NECAB1: variants seen among roughly 807,000 people sequenced by gnomAD.
The protein encoded by NECAB1 is N-terminal EF-hand calcium binding protein 1.
In NECAB1, 29 loss-of-function variants were observed where a neutral mutation model predicts 57.5. The ratio of observed to expected loss-of-function variants is 0.50; its 90% CI spans 0.38 to 0.69. NECAB1 has a LOEUF of 0.69. Among genes scored for constraint, NECAB1 ranks in the 30% least tolerant of loss-of-function variants. The probability of loss-of-function intolerance (pLI) is 0.00; values close to 1 mark genes in which losing one functional copy is unlikely to be tolerated. For missense variants in NECAB1, 372 were observed against 413.8 expected, an observed-to-expected ratio of 0.90 and a Z score of 0.88; for synonymous variants, 142 against 147.7, an observed-to-expected ratio of 0.96 and a Z score of 0.28.
intron 10 of NECAB1, among the ~76,000 whole-genome samples, chr8:90,949,222 G>A (rs990764915): frequency 6.6e-6 from 1 of 151,598 alleles, no homozygotes; most frequent in African/African-American, 2.4e-5. Flanking sequence ...GTTTGAAAGA[G>A]AGGGAGAAAG....
intron 3 of NECAB1, chr8:90,859,135 T>A (rs552928195): frequency 6.6e-6 from 1 of 152,070 alleles, no homozygotes; most frequent in African/African-American, 2.4e-5. Flanking sequence ...CCAGCAGCAG[T>A]GAGGGAAGAG....
At chr8:90,856,756 C>CTA (rs1439050932) in intron 3 of NECAB1, among the ~76,000 whole-genome samples, 1 of 152,194 alleles carries the variant, frequency 6.6e-6, no homozygotes, top group African/African-American at 2.4e-5. Flanking sequence ...TACCTCTAGC[C>CTA]TATACTTTGA....
At chr8:90,876,916 C>T (rs1808738489) in intron 4 of NECAB1, among the ~76,000 whole-genome samples, 1 of 152,150 alleles carries the variant, frequency 6.6e-6, no homozygotes, top group Non-Finnish European at 1.5e-5. Context: ...ATACAGGTTT[C>T]AACAAAATAG....
chr8:90,853,343 C>T (rs1382577044), intron 3 of NECAB1, among the ~76,000 whole-genome samples: 1 of 152,220 alleles, frequency 6.6e-6, no homozygotes, highest in Non-Finnish European at 1.5e-5. Flanking sequence ...GGCAACACTG[C>T]AGTGAGTCCC....
intron 2 of NECAB1, among the ~76,000 whole-genome samples, chr8:90,820,942 C>G (rs1812134265): frequency 6.6e-6 from 1 of 151,826 alleles, no homozygotes; most frequent in Non-Finnish European, 1.5e-5. Context: ...TATAGCCTTT[C>G]TCTTAATCCT....
At chr8:90,870,758 CAG>C (rs1808609260) in intron 3 of NECAB1, among the ~76,000 whole-genome samples, 1 of 152,262 alleles carries the variant, frequency 6.6e-6, no homozygotes, top group Non-Finnish European at 1.5e-5. Flanking sequence ...AGTAATCTGA[CAG>C]AGTCATGTTT....
rs560596027 is a variant in NECAB1 at position 90,793,318 on chromosome 8, T to A, written c.99+1333T>A. 4.7e-4 allele frequency among the ~76,000 whole-genome samples: 71 copies of A among 152,220 alleles called. 2 individuals are homozygous for A. Among genetic ancestry groups the A allele is most frequent in the Non-Finnish European group, 6.0e-4 (41 of 68,040 alleles). ...AGAAGTGAGGTTCAACTGTGTGTACTGGCAGCCTTCACCCTTTATCACCTG... is the reference window on the plus strand; with the variant it reads ...AGAAGTGAGGTTCAACTGTGTGTACAGGCAGCCTTCACCCTTTATCACCTG... On this transcript the variant is annotated intron_variant, in intron 1 of 12. Coordinates refer to ENST00000417640, the MANE Select transcript of NECAB1 (RefSeq NM_022351.5).
rs144262235 is a variant in NECAB1 at position 90,880,110 on chromosome 8, C to T, written c.260-923C>T. Among the ~76,000 whole-genome samples the T allele has an allele frequency of 5.0e-4, 76 of 152,186 alleles. No individual in the cohort carries two copies. In the East Asian group the frequency reaches 8.7e-3, roughly 17 times the overall value. The stretch of plus-strand genomic sequence containing the variant: ...AGAGTATTAAATAAATTAATCAAGG[C>T]GGTTTCCATCAAACATGCTGAAATG... On this transcript the variant is annotated intron_variant, in intron 4 of 12. Transcript: ENST00000417640.
intron 3 of NECAB1, among the ~76,000 whole-genome samples, chr8:90,851,338 C>T (rs1240369305): frequency 6.6e-6 from 1 of 152,114 alleles, no homozygotes; most frequent in African/African-American, 2.4e-5. Context: ...CGGGATCCTC[C>T]GGACAGGACA....
rs571861885 is a variant in NECAB1 at position 90,913,904 on chromosome 8, C to T, written c.358-3588C>T. Among the ~76,000 whole-genome samples, 79 of 152,300 alleles carry T rather than the reference C, an allele frequency of 5.2e-4. 1 individual carries two copies. The South Asian group carries it at 6.6e-3, about 13-fold the overall frequency. On this transcript the variant is annotated intron_variant, in intron 5 of 12. Transcript: ENST00000417640. The stretch of plus-strand genomic sequence containing the variant: ...GTCCAGAAAATAAAATGAGGACAAA[C>T]AGTCTGTTAGAACAAAGCTGTATTT...
At chr8:90,795,708 T>TCACACACA (rs59863984) in intron 1 of NECAB1, among the ~76,000 whole-genome samples, 30 of 147,878 alleles carry the variant, frequency 2.0e-4, no homozygotes, top group African/African-American at 5.9e-4. Context: ...CTCATCTCTC[T>TCACACACA]CACACACACA....
intron 3 of NECAB1, among the ~76,000 whole-genome samples, chr8:90,839,891 A>G (rs1490923827): frequency 1.3e-5 from 2 of 152,188 alleles, no homozygotes; most frequent in Non-Finnish European, 2.9e-5. Context: ...TTATGTTTTC[A>G]AAAGATAGAT....
At position 90,926,231 on chromosome 8, in the gene NECAB1, A is replaced by G. The variant is rs146538059; in HGVS notation, c.616+575A>G. Among the ~76,000 whole-genome samples the G allele has an allele frequency of 1.1e-3, 173 of 152,358 alleles. 1 individual carries two copies. Among genetic ancestry groups the G allele is most frequent in the Admixed American group, 5.1e-3 (78 of 15,302 alleles). The stretch of plus-strand genomic sequence containing the variant: ...GTTGCTAAATATTGGAGTAATTTTT[A>G]TAAAGCATGCATATATACATGCACA... On this transcript the variant is annotated intron_variant, in intron 7 of 12. Transcript: ENST00000417640.
chr8:90,859,555 G>T (rs754033023), intron 3 of NECAB1, among the ~76,000 whole-genome samples: 3 of 152,168 alleles, frequency 2.0e-5, no homozygotes, highest in Non-Finnish European at 4.4e-5. Flanking sequence ...TGAGGGGTCT[G>T]CTGTCTCACC....
chr8:90,864,332 C>CAAGG (rs149292284), intron 3 of NECAB1, among the ~76,000 whole-genome samples: 57,302 of 119,618 alleles, frequency 0.48, 16,145 homozygotes, highest in East Asian at 0.82. Context: ...AGGAAGGAAA[C>CAAGG]AAGGAAGAGA....
chr8:90,917,367 C>T (rs1449219142), intron 5 of NECAB1, 125 bp from the exon 6 acceptor site: 7 of 768,574 alleles, frequency 9.1e-6, no homozygotes, highest in Middle Eastern at 3.3e-4. Flanking sequence ...GATCTTTTCC[C>T]TTCTCTCCAC....
intron 10 of NECAB1, among the ~76,000 whole-genome samples, chr8:90,946,259 T>C (rs78897996): frequency 0.015 from 2,270 of 152,342 alleles, 49 homozygotes; most frequent in African/African-American, 0.051. Flanking sequence ...TGCACTTTCA[T>C]CACTGCATCT....
intron 12 of NECAB1, among the ~76,000 whole-genome samples, chr8:90,953,921 T>C (rs752369500): frequency 2.0e-5 from 3 of 151,764 alleles, no homozygotes; most frequent in Admixed American, 2.0e-4. Context: ...TACAAAAAAT[T>C]AGCCAGGCAT....
intron 2 of NECAB1, among the ~76,000 whole-genome samples, chr8:90,803,070 T>C (rs1403799512): frequency 6.6e-6 from 1 of 152,098 alleles, no homozygotes; most frequent in East Asian, 1.9e-4. Flanking sequence ...CTAATTTTTG[T>C]ATTTTTAGTA....
Sources: allele counts gnomAD v4.1 joint callset (sites outside exome capture counted in the v4.1 genomes callset), GRCh38; gene constraint gnomAD v4.1.1; transcripts MANE v1.5; gene names NCBI Gene and HGNC (gene_info 2026-07-23, HGNC 2026-07-21).